Variants in GPI observed in about 807,000 individuals in gnomAD.
The protein encoded by GPI is D-hexose-6-phosphate anomerase.
Under a neutral mutation model 75.8 loss-of-function variants are expected in GPI, and 56 were observed. The ratio of observed to expected loss-of-function variants is 0.74; its 90% CI spans 0.60 to 0.92. The LOEUF (loss-of-function observed/expected upper bound fraction) is 0.92. Among genes scored for constraint, GPI ranks in the 40% least tolerant of loss-of-function variants. GPI has a pLI of 0.00. For synonymous variants in GPI, 288 were observed against 285.4 expected (o/e 1.01, Z -0.09); for missense variants, 638 against 741.0 (o/e 0.86, Z 1.61).
In GPI at chr19:34,393,842, T is replaced by G; in HGVS notation, c.909+71T>G. 1 of 1,604,116 alleles carries G rather than the reference T, an allele frequency of 6.2e-7. No individual in the cohort carries two copies. The highest frequency in any genetic ancestry group is 2.2e-5 in the East Asian group (1 of 44,810). ...GTGTGTTGGTCCTGGTCCCCCGCTT[T>G]CTCCCCCACTGTCCTGTCCCTCCCC... On this transcript the variant is annotated intron_variant, in intron 11 of 17. Coordinates refer to ENST00000356487, the MANE Select transcript of GPI (RefSeq NM_000175.5). This position sits in a 1 kb window ranked among gnomAD's most constrained non-coding sequence, Gnocchi z 4.4.
intron 13 of GPI, 40 bp from the exon 14 acceptor site, chr19:34,396,541 T>A: frequency 4.3e-6 from 7 of 1,612,210 alleles, no homozygotes; most frequent in Non-Finnish European, 5.9e-6. Context: ...CTAGCTCCCA[T>A]GGGCTGGGGT....
chr19:34,393,191 G>T lies in GPI; in HGVS notation c.805-57G>T. The T allele has an allele frequency of 2.2e-6, 3 of 1,347,782 alleles. No homozygotes were observed. The highest frequency in any genetic ancestry group is 1.2e-5 in the South Asian group (1 of 85,842). 83.5% of individuals were successfully genotyped at this position (1,347,782 alleles called of 1,614,324 possible). A position where few individuals can be genotyped will look rare whatever the true frequency, so the allele number is the denominator to read the frequency against. Reference sequence around the variant, plus strand: ...AGACCAGGGACAGGGTTTCCGGCAGGAGGTGGGGGGCGGGGTGTGCCGGCC... The same window carrying T: ...AGACCAGGGACAGGGTTTCCGGCAGTAGGTGGGGGGCGGGGTGTGCCGGCC... On this transcript the variant is annotated intron_variant, in intron 9 of 17. Coordinates refer to ENST00000356487, the MANE Select transcript of GPI (RefSeq NM_000175.5). This position sits in a 1 kb window ranked among gnomAD's most constrained non-coding sequence, Gnocchi z 4.4.
In GPI at chr19:34,365,397, G is replaced by T; in HGVS notation, c.122+9G>T. Reference sequence around the variant, plus strand: ...CGCTTCAACCACTTCAGGTGCGGGCGGGCCGGAGGCGGGGGCTGCCACGCG... The same window carrying T: ...CGCTTCAACCACTTCAGGTGCGGGCTGGCCGGAGGCGGGGGCTGCCACGCG... On this transcript the variant is annotated intron_variant, in intron 1 of 17. Coordinates refer to ENST00000356487, the MANE Select transcript of GPI (RefSeq NM_000175.5). 1 of 1,569,482 alleles carries T rather than the reference G, an allele frequency of 6.4e-7. No homozygotes were observed. Among genetic ancestry groups the T allele is most frequent in the Non-Finnish European group, 8.6e-7 (1 of 1,162,090 alleles).
At chr19:34,373,785 G>A (rs1383795831) in intron 4 of GPI, among the ~76,000 whole-genome samples, 3 of 152,086 alleles carry the variant, frequency 2.0e-5, no homozygotes, top group African/African-American at 7.2e-5. Context: ...GGCTTCATGG[G>A]GGTTGGAGGG....
At chr19:34,378,042 T>A (rs1016604926) in intron 6 of GPI, among the ~76,000 whole-genome samples, 161 bp downstream of exon 6, 1 of 152,238 alleles carries the variant, frequency 6.6e-6, no homozygotes, top group African/African-American at 2.4e-5. Flanking sequence ...ACTGTTTCCA[T>A]GCCTAGCAGC....
At position 34,366,002 on chromosome 19, in the gene GPI, G is replaced by A. The variant is rs750671002; in HGVS notation, c.123-343G>A. On this transcript the variant is annotated intron_variant, in intron 1 of 17. Transcript: ENST00000356487. ...GGGGAGCGACTGTGGCTCCGGGCTA[G>A]ACGTCCCGATGGCCATCCCTGTCAT... The A allele has an allele frequency of 5.4e-6, 3 of 552,490 alleles. No individual in the cohort carries two copies. In the African/African-American group the frequency reaches 5.6e-5, roughly 10 times the overall value. The allele number at this position is 552,490 out of a possible 1,614,324, so 34.2% of individuals were successfully genotyped here.
At position 34,396,398 on chromosome 19, in the gene GPI, G is replaced by A. The variant is rs762765572; in HGVS notation, c.1160G>A (p.Gly387Asp). Residue 387 changes from glycine to aspartate, a missense_variant, in exon 13 of 18, where the codon GGC becomes GAC. Physicochemically the swap from Gly to Asp is moderately conservative, Grantham distance 94 (BLOSUM62 -1). Transcript: ENST00000356487. ...PIVWGEPGTNGQHAFYQLIHQ... is the reference protein window; with the variant it reads ...PIVWGEPGTNDQHAFYQLIHQ... ...GTGTGGGGGGAGCCAGGGACCAATG[G>A]CCAGCATGCTTTTTACCAGCTCATC... 6.2e-7 allele frequency: 1 copy of A among 1,614,218 alleles called. No individual in the cohort carries two copies. The highest frequency in any genetic ancestry group is 8.5e-7 in the Non-Finnish European group (1 of 1,180,032).
intron 4 of GPI, among the ~76,000 whole-genome samples, chr19:34,373,503 G>T (rs2074486954): frequency 6.7e-6 from 1 of 149,722 alleles, no homozygotes; most frequent in African/African-American, 2.5e-5. Flanking sequence ...GTTTCAGTAA[G>T]CTGAGATAGC....
chr19:34,393,925 C>A lies in GPI; in HGVS notation c.921C>A (p.Phe307Leu), dbSNP rs754782152. Residue 307 changes from phenylalanine (F) to leucine (L), a missense_variant, in exon 12 of 18, where the codon TTC becomes TTA. By Grantham distance (22) the Phe-to-Leu change is conservative. Coordinates refer to ENST00000356487, the MANE Select transcript of GPI (RefSeq NM_000175.5). This position sits in a 1 kb window ranked among gnomAD's most constrained non-coding sequence, Gnocchi z 4.4. ...LSGAHWMDQH[F>L]RTTPLEKNAP... ...TGCTCCTGTTTCAGGACCAGCACTTCCGCACGACGCCCCTGGAGAAGAACG... is the reference window on the plus strand; with the variant it reads ...TGCTCCTGTTTCAGGACCAGCACTTACGCACGACGCCCCTGGAGAAGAACG... The A allele has an allele frequency of 6.2e-7, 1 of 1,613,762 alleles. No homozygotes were observed. Among genetic ancestry groups the A allele is most frequent in the Non-Finnish European group, 8.5e-7 (1 of 1,179,974 alleles).
In GPI at chr19:34,375,753, A is replaced by G. The variant is rs372911841; in HGVS notation, c.403-1750A>G. 2.6e-5 allele frequency among the ~76,000 whole-genome samples: 4 copies of G among 152,336 alleles called. No individual in the cohort carries two copies. In the East Asian group the frequency reaches 5.8e-4, roughly 22 times the overall value. ...GCTTCCCCAAAGCGAGTCATCCAAG[A>G]GAGCAAAGCAGAAACTGCACGTTCT... On this transcript the variant is annotated intron_variant, in intron 4 of 17. Transcript: ENST00000356487.
At chr19:34,392,024 T>A in intron 9 of GPI, among the ~76,000 whole-genome samples, 1 of 150,378 alleles carries the variant, frequency 6.6e-6, no homozygotes, top group Non-Finnish European at 1.5e-5. Flanking sequence ...AGGATCTGGG[T>A]CTTTCAATGT....
chr19:34,391,068 T>A lies in GPI; in HGVS notation c.805-2180T>A, dbSNP rs1480289763. Among the ~76,000 whole-genome samples, 5 of 151,964 alleles carry A rather than the reference T, an allele frequency of 3.3e-5. No homozygotes were observed. The East Asian group carries it at 9.7e-4, about 29-fold the overall frequency. On this transcript the variant is annotated intron_variant, in intron 9 of 17. Transcript: ENST00000356487. Reference sequence around the variant, plus strand: ...GTAGCACCTGGCACAGATATGAGGATCTGCGTCTTCCAGTGTTTGAGGAGG... The same window carrying A: ...GTAGCACCTGGCACAGATATGAGGAACTGCGTCTTCCAGTGTTTGAGGAGG...
chr19:34,389,182 G>C (rs1204796791), intron 9 of GPI, among the ~76,000 whole-genome samples: 1 of 152,196 alleles, frequency 6.6e-6, no homozygotes, highest in Non-Finnish European at 1.5e-5. Context: ...GACTGCGTCT[G>C]TCAGGTAAGG....
At chr19:34,392,219 C>A (rs1359157938) in intron 9 of GPI, 1 of 119,628 alleles carries the variant, frequency 8.4e-6, no homozygotes. Flanking sequence ...TTATGAGGAT[C>A]TGAGTCTGTC....
At chr19:34,367,152 C>CCT in intron 3 of GPI, 1 of 505,930 alleles carries the variant, frequency 2.0e-6, no homozygotes, top group African/African-American at 1.9e-5. Flanking sequence ...TCTAATATAT[C>CCT]CTCAATGCAA....
chr19:34,392,080 A>T (rs77922621), intron 9 of GPI: 56 of 958 alleles, frequency 0.058, no homozygotes, highest in Middle Eastern at 0.5. Context: ...TGGGTCTGTT[A>T]ATGTCTGAGG....
chr19:34,371,476 T>C (rs1017698054), intron 4 of GPI, among the ~76,000 whole-genome samples: 3 of 151,964 alleles, frequency 2.0e-5, no homozygotes, highest in Non-Finnish European at 4.4e-5. Context: ...GACTGGGAAG[T>C]TGAAAAAGGA....
At chr19:34,387,369 GA>G (rs1287212389) in intron 9 of GPI, among the ~76,000 whole-genome samples, 2 of 152,174 alleles carry the variant, frequency 1.3e-5, no homozygotes, top group Non-Finnish European at 2.9e-5. Context: ...TGAGTCTGTG[GA>G]TCCAGGCTCA....
intron 9 of GPI, among the ~76,000 whole-genome samples, chr19:34,391,512 A>G (rs1363092182): frequency 1.2e-3 from 7 of 5,660 alleles, no homozygotes; most frequent in African/African-American, 3.1e-3. Context: ...TCTTATAGGT[A>G]TGAGGATCTG....
Sources: allele counts gnomAD v4.1 joint callset (sites outside exome capture counted in the v4.1 genomes callset), GRCh38; gene constraint gnomAD v4.1.1; non-coding constraint Gnocchi (gnomAD v3.1); transcripts MANE v1.5; gene names NCBI Gene and HGNC (gene_info 2026-07-23, HGNC 2026-07-21).